The following PRUNE2 variants were observed in gnomAD, a reference collection of about 807,000 sequenced individuals.
PRUNE2 encodes prune homolog 2 with BCH domain.
In PRUNE2, 164 loss-of-function variants were observed where a neutral mutation model predicts 252.0. The observed-to-expected ratio is 0.65, with a 90% CI of 0.57 to 0.74. The LOEUF (loss-of-function observed/expected upper bound fraction) is 0.74, where lower values mean the gene tolerates loss of function less well. Among genes scored for constraint, PRUNE2 ranks in the 30% least tolerant of loss-of-function variants. The pLI is 0.00. For missense variants in PRUNE2, 3,495 were observed against 3,711.0 expected (o/e 0.94, Z 1.51); for synonymous variants, 1,292 against 1,350.2 (o/e 0.96, Z 0.94).
chr9:76,810,735 T>C (rs2057301648), intron 6 of PRUNE2, among the ~76,000 whole-genome samples: 1 of 152,232 alleles, frequency 6.6e-6, no homozygotes. Flanking sequence ...ATTTGTTTTT[T>C]CATTTTAGCG....
chr9:76,783,953 C>T (rs1231408771), intron 6 of PRUNE2: 2 of 152,192 alleles, frequency 1.3e-5, no homozygotes, highest in Admixed American at 6.5e-5. Flanking sequence ...TTCCTCTACT[C>T]GTTTCTATCC....
chr9:76,871,690 A>G (rs2061209713), intron 1 of PRUNE2, among the ~76,000 whole-genome samples: 2 of 152,222 alleles, frequency 1.3e-5, no homozygotes, highest in South Asian at 4.1e-4. Flanking sequence ...GTGCAGGGGC[A>G]CAACGTCAGC....
chr9:76,726,986 C>T (rs1361880884), intron 6 of PRUNE2, among the ~76,000 whole-genome samples: 2 of 152,184 alleles, frequency 1.3e-5, no homozygotes, highest in Non-Finnish European at 2.9e-5. Context: ...AAGCCAAATA[C>T]AGAAAAAAAC....
chr9:76,671,090 C>A (rs532730019), intron 9 of PRUNE2, among the ~76,000 whole-genome samples: 21 of 152,110 alleles, frequency 1.4e-4, no homozygotes, highest in African/African-American at 4.3e-4. Context: ...AGGCTTCAGA[C>A]AATCAAATTA....
chr9:76,872,595 T>C (rs1325928352), intron 1 of PRUNE2, among the ~76,000 whole-genome samples: 1 of 125,870 alleles, frequency 7.9e-6, no homozygotes. Context: ...ATGATGATTA[T>C]GGAAAACACA....
intron 1 of PRUNE2, among the ~76,000 whole-genome samples, chr9:76,863,999 A>C (rs896492344): frequency 6.6e-6 from 1 of 152,216 alleles, no homozygotes; most frequent in African/African-American, 2.4e-5. Flanking sequence ...CTTATATGTT[A>C]ATCACAGCGC....
At chr9:76,720,609 A>T (rs2047551857) in intron 6 of PRUNE2, among the ~76,000 whole-genome samples, 1 of 151,360 alleles carries the variant, frequency 6.6e-6, no homozygotes, top group African/African-American at 2.4e-5. Flanking sequence ...TTTTTTTATT[A>T]TTATTTTTTA....
At chr9:76,741,429 C>A (rs2049610335) in intron 6 of PRUNE2, among the ~76,000 whole-genome samples, 1 of 152,002 alleles carries the variant, frequency 6.6e-6, no homozygotes, top group Non-Finnish European at 1.5e-5. Context: ...ACTGTGGAGT[C>A]CTAATTAGGG....
At chr9:76,741,602 A>C (rs613650) in intron 6 of PRUNE2, among the ~76,000 whole-genome samples, 152,276 of 152,288 alleles carry the variant, frequency 1, 76,132 homozygotes, top group Middle Eastern at 1. Flanking sequence ...CCCTCCTGCG[A>C]AGGTAACTCA....
intron 9 of PRUNE2, chr9:76,692,739 C>T (rs1054166976): frequency 6.5e-6 from 1 of 152,870 alleles, no homozygotes; most frequent in Non-Finnish European, 1.5e-5. Flanking sequence ...CACTTATTAG[C>T]AAGTGTGGAC....
intron 6 of PRUNE2, chr9:76,759,120 T>G (rs2051441451): frequency 6.6e-6 from 1 of 151,972 alleles, no homozygotes; most frequent in African/African-American, 2.4e-5. Context: ...CGAGGTAGAG[T>G]GTTCAGCCAC....
chr9:76,872,951 C>G (rs1016985555), intron 1 of PRUNE2, among the ~76,000 whole-genome samples: 4 of 151,926 alleles, frequency 2.6e-5, no homozygotes, highest in Non-Finnish European at 5.9e-5. Context: ...TTAGATGGAC[C>G]CTTATCTAAC....
intron 2 of PRUNE2, 78 bp from the exon 3 acceptor site, chr9:76,850,743 G>C: frequency 9.0e-7 from 1 of 1,106,232 alleles, no homozygotes; most frequent in South Asian, 1.3e-5. Context: ...CAGCCTGGGG[G>C]TAACTGGTAA....
At chr9:76,886,218 G>A (rs2062090053) in intron 1 of PRUNE2, among the ~76,000 whole-genome samples, 3 of 151,514 alleles carry the variant, frequency 2.0e-5, no homozygotes, top group African/African-American at 7.3e-5. Context: ...CTTATGCAAT[G>A]CTCTTACACG....
intron 6 of PRUNE2, among the ~76,000 whole-genome samples, chr9:76,717,953 CGTG>C (rs945956611): frequency 1.3e-5 from 2 of 152,072 alleles, no homozygotes; most frequent in African/African-American, 4.8e-5. Context: ...AGCCTGGAAA[CGTG>C]GGGAGAAAAA....
intron 17 of PRUNE2, among the ~76,000 whole-genome samples, chr9:76,619,977 T>C (rs938502969): frequency 6.6e-6 from 1 of 152,220 alleles, no homozygotes; most frequent in African/African-American, 2.4e-5. Context: ...TGTAACCTTA[T>C]AAAATAATAA....
rs200599284 is a variant in PRUNE2 at position 76,655,435 on chromosome 9, C to T, written c.8344G>A (p.Asp2782Asn). The change falls in exon 10 of 19, where the codon GAC becomes AAC. Residue 2782 changes from aspartate (D) to asparagine (N), a missense_variant. Transcript: ENST00000376718. Reference sequence around the variant, plus strand: ...ATGCTGCTCTCACCAGGCCTCATGTCTGCAGCACTGGGACTCAGCACGCCC... The same window carrying T: ...ATGCTGCTCTCACCAGGCCTCATGTTTGCAGCACTGGGACTCAGCACGCCC... ...EEGVLSPSAA[D>N]MRPEPPNSLD... The T allele has an allele frequency of 2.5e-6, 4 of 1,611,468 alleles. No homozygotes were observed. Among genetic ancestry groups the T allele is most frequent in the African/African-American group, 2.7e-5 (2 of 74,994 alleles).
chr9:76,707,722 AC>A lies in PRUNE2; in HGVS notation c.4551del (p.Ser1518LeufsTer33). 6.2e-7 allele frequency: 1 copy of A among 1,613,712 alleles called. No homozygotes were observed. Among genetic ancestry groups the A allele is most frequent in the Non-Finnish European group, 8.5e-7 (1 of 1,179,840 alleles). On this transcript the variant is annotated frameshift_variant, in exon 8 of 19. Coordinates refer to ENST00000376718, the MANE Select transcript of PRUNE2 (RefSeq NM_015225.3). LOFTEE classifies it high-confidence loss of function. ...SEITKNLDVK[G>X]SENSLPGAGS... Reference sequence around the variant, plus strand: ...CCGGCTCCTGGAAGGCTATTTTCAGACCCCTTAACGTCAAGATTTTTGGTTA... The same window carrying A: ...CCGGCTCCTGGAAGGCTATTTTCAGACCCTTAACGTCAAGATTTTTGGTTA...
chr9:76,770,542 A>AAT (rs1291503801), intron 6 of PRUNE2, among the ~76,000 whole-genome samples: 1 of 152,218 alleles, frequency 6.6e-6, no homozygotes, highest in African/African-American at 2.4e-5. Flanking sequence ...TGGATTATGA[A>AAT]ATATCTGGTG....
Sources: allele counts gnomAD v4.1 joint callset (sites outside exome capture counted in the v4.1 genomes callset), GRCh38; gene constraint gnomAD v4.1.1; transcripts MANE v1.5; gene names NCBI Gene and HGNC (gene_info 2026-07-23, HGNC 2026-07-21).